Variants in FSTL4 observed in about 807,000 individuals in gnomAD.
The protein encoded by FSTL4 is follistatin like 4, also known as follistatin-related protein 4.
In FSTL4, 28 loss-of-function variants were observed where a neutral mutation model predicts 78.2. That is an observed-to-expected ratio of 0.36 (90% CI 0.27 to 0.49). The LOEUF (loss-of-function observed/expected upper bound fraction) is 0.49, where lower values mean the gene tolerates loss of function less well. Among genes scored for constraint, FSTL4 ranks in the 20% least tolerant of loss-of-function variants. The probability of loss-of-function intolerance (pLI) is 0.98; values close to 1 mark genes in which losing one functional copy is unlikely to be tolerated. For missense variants in FSTL4, 922 were observed against 1,084.9 expected, an observed-to-expected ratio of 0.85 and a Z score of 2.11; for synonymous variants, 422 against 440.5, an observed-to-expected ratio of 0.96 and a Z score of 0.53.
chr5:133,593,798 G>A (rs540951431), intron 2 of FSTL4, among the ~76,000 whole-genome samples: 2 of 152,102 alleles, frequency 1.3e-5, no homozygotes, highest in African/African-American at 4.8e-5. Context: ...TCTTAATTTC[G>A]ACATTATATA....
intron 3 of FSTL4, among the ~76,000 whole-genome samples, chr5:133,544,916 G>C (rs1300204114): frequency 6.6e-6 from 1 of 152,222 alleles, no homozygotes; most frequent in Non-Finnish European, 1.5e-5. Context: ...AAAGTATAGA[G>C]AGCTTGGTAA....
intron 3 of FSTL4, among the ~76,000 whole-genome samples, chr5:133,529,727 T>C (rs1474827567): frequency 6.6e-6 from 1 of 152,182 alleles, no homozygotes; most frequent in Non-Finnish European, 1.5e-5. Context: ...CAGCAAATGG[T>C]AAAGTTCTGC....
chr5:133,670,363 A>T, the FSTL4 span, among the ~76,000 whole-genome samples: 2 of 152,232 alleles, frequency 1.3e-5, no homozygotes, highest in African/African-American at 4.8e-5. Context: ...TGTCTACATC[A>T]ACCATGTCTT....
intron 4 of FSTL4, among the ~76,000 whole-genome samples, chr5:133,326,479 AC>A (rs2126903304): frequency 6.6e-6 from 1 of 152,178 alleles, no homozygotes; most frequent in African/African-American, 2.4e-5. Context: ...TTCTCTCAGC[AC>A]CCTGTGGCGG....
intron 4 of FSTL4, among the ~76,000 whole-genome samples, chr5:133,347,255 C>T (rs1039994495): frequency 5.3e-5 from 8 of 152,314 alleles, no homozygotes; most frequent in African/African-American, 1.9e-4. Context: ...TGTGAACTCC[C>T]TCTGTCGGGA....
intron 2 of FSTL4, among the ~76,000 whole-genome samples, chr5:133,567,830 C>T (rs1323249345): frequency 1.3e-5 from 2 of 152,196 alleles, no homozygotes; most frequent in Admixed American, 1.3e-4. Context: ...TTACTATGCG[C>T]AGGGCAATAA....
intron 3 of FSTL4, among the ~76,000 whole-genome samples, chr5:133,422,234 A>G (rs1427774630): frequency 6.6e-6 from 1 of 152,180 alleles, no homozygotes; most frequent in African/African-American, 2.4e-5. Flanking sequence ...TCCTAAGTGT[A>G]GTAACAAGCC....
chr5:133,621,955 G>T, the FSTL4 span, among the ~76,000 whole-genome samples: 1 of 151,954 alleles, frequency 6.6e-6, no homozygotes, highest in East Asian at 1.9e-4. Context: ...TCACAACCAG[G>T]TAACTGACAT....
intron 3 of FSTL4, among the ~76,000 whole-genome samples, chr5:133,416,014 A>G (rs1756575608): frequency 6.6e-6 from 1 of 152,246 alleles, no homozygotes; most frequent in South Asian, 2.1e-4. Context: ...AATAGCAAGG[A>G]GCACGTTTAA....
chr5:133,838,102 G>A, the FSTL4 span, among the ~76,000 whole-genome samples: 1 of 151,918 alleles, frequency 6.6e-6, no homozygotes, highest in African/African-American at 2.4e-5. Context: ...TGGCAAAGCT[G>A]GTCTGGAACT....
intron 4 of FSTL4, among the ~76,000 whole-genome samples, chr5:133,386,662 C>T (rs954674976): frequency 1.3e-5 from 2 of 152,112 alleles, no homozygotes; most frequent in African/African-American, 2.4e-5. Context: ...GGCACATAAA[C>T]GAGATCTTCA....
chr5:133,537,402 T>C (rs1021486368), intron 3 of FSTL4, among the ~76,000 whole-genome samples: 2 of 152,218 alleles, frequency 1.3e-5, no homozygotes, highest in Non-Finnish European at 2.9e-5. Flanking sequence ...TTCTCTTTGT[T>C]ACTGTTATAC....
At chr5:133,542,949 C>T (rs1194471537) in intron 3 of FSTL4, among the ~76,000 whole-genome samples, 3 of 151,030 alleles carry the variant, frequency 2.0e-5, no homozygotes, top group African/African-American at 4.9e-5. Flanking sequence ...TTATCCATTC[C>T]TTTTTATTAT....
the FSTL4 span, among the ~76,000 whole-genome samples, chr5:133,736,937 A>T: frequency 6.6e-6 from 1 of 152,144 alleles, no homozygotes; most frequent in South Asian, 2.1e-4. Flanking sequence ...TTTTAAAAAA[A>T]TGTTTGTGGG....
intron 14 of FSTL4, chr5:133,207,694 A>C (rs1244662438): frequency 6.6e-6 from 1 of 152,216 alleles, no homozygotes; most frequent in Non-Finnish European, 1.5e-5. Flanking sequence ...CCCAGGCTGG[A>C]GTGCAGTGGC....
chr5:133,322,598 G>C (rs750342858), intron 4 of FSTL4, among the ~76,000 whole-genome samples: 24 of 152,190 alleles, frequency 1.6e-4, no homozygotes, highest in Non-Finnish European at 2.9e-4. Flanking sequence ...GGTCCTCAGA[G>C]GGACTGTGTA....
At chr5:133,502,432 G>A (rs10793816) in intron 3 of FSTL4, among the ~76,000 whole-genome samples, 76,061 of 151,992 alleles carry the variant, frequency 0.5, 19,373 homozygotes, top group African/African-American at 0.57. Flanking sequence ...GCTAATAGTC[G>A]GCAAAGAAAG....
chr5:133,744,600 G>T, the FSTL4 span, among the ~76,000 whole-genome samples: 1 of 152,188 alleles, frequency 6.6e-6, no homozygotes, highest in Non-Finnish European at 1.5e-5. Context: ...AGCTCTGTCT[G>T]CTCACCCTTC....
At chr5:133,216,651 C>T (rs1232646692) in intron 13 of FSTL4, among the ~76,000 whole-genome samples, 1 of 152,132 alleles carries the variant, frequency 6.6e-6, no homozygotes, top group African/African-American at 2.4e-5. Context: ...ACACCCAGCC[C>T]GTTTGTTAAC....
Sources: gnomAD v4.1 joint callset for allele counts (sites outside exome capture counted in the v4.1 genomes callset) on GRCh38, gnomAD v4.1.1 for gene constraint, MANE v1.5 for transcripts, NCBI Gene and HGNC (gene_info 2026-07-23, HGNC 2026-07-21) for gene names.